The following TRPC1 variants were observed in gnomAD, a reference collection of about 807,000 sequenced individuals.
The protein encoded by TRPC1 is transient receptor potential cation channel subfamily C member 1, also known as short transient receptor potential channel 1.
TRPC1 carries 42 observed loss-of-function variants against 88.2 expected under a neutral mutation model. The observed-to-expected ratio is 0.48, with a 90% CI of 0.37 to 0.62. The LOEUF (loss-of-function observed/expected upper bound fraction) is 0.62. Ranked by LOEUF, TRPC1 falls within the 20% of genes least tolerant of loss-of-function variation. The pLI is 0.00. For synonymous variants in TRPC1, 288 were observed against 331.8 expected (o/e 0.87, Z 1.43); for missense variants, 699 against 957.3 (o/e 0.73, Z 3.56).
chr3:142,743,467 CTT>C lies in TRPC1; in HGVS notation c.328-6_328-5del, dbSNP rs548918869. ...TTTTATCTTCCATTTTCATTTTTAACTTTTTTTTTTTTTGAAGTCTGCAGATG... is the reference window on the plus strand; with the variant it reads ...TTTTATCTTCCATTTTCATTTTTAACTTTTTTTTTTTGAAGTCTGCAGATG... On this transcript the variant is annotated splice_polypyrimidine_tract_variant and intron_variant, in intron 2 of 12. Transcript: ENST00000476941. 3,383 of 1,119,114 alleles carry C rather than the reference CTT, an allele frequency of 3.0e-3. No homozygotes were observed. The highest frequency in any genetic ancestry group is 5.4e-3 in the South Asian group (321 of 59,702). 69.3% of individuals were successfully genotyped at this position (1,119,114 alleles called of 1,614,324 possible). A position where few individuals can be genotyped will look rare whatever the true frequency, so the allele number is the denominator to read the frequency against.
At chr3:142,753,180 G>T (rs1479278846) in intron 4 of TRPC1, among the ~76,000 whole-genome samples, 1 of 152,184 alleles carries the variant, frequency 6.6e-6, no homozygotes, top group African/African-American at 2.4e-5. Context: ...ACCTGGCTTG[G>T]TTTGAGGTTG....
intron 4 of TRPC1, among the ~76,000 whole-genome samples, chr3:142,754,834 A>C (rs1033996780): frequency 1.3e-5 from 2 of 152,182 alleles, no homozygotes; most frequent in Non-Finnish European, 2.9e-5. Flanking sequence ...ATGAATATAC[A>C]AGAGTGACAC....
intron 7 of TRPC1, among the ~76,000 whole-genome samples, chr3:142,789,640 C>CT (rs1050640702): frequency 1.3e-5 from 2 of 152,030 alleles, no homozygotes; most frequent in Non-Finnish European, 2.9e-5. Context: ...GCACTCTATT[C>CT]TTTTGTTACT....
intron 3 of TRPC1, among the ~76,000 whole-genome samples, chr3:142,747,346 A>G (rs115857470): frequency 0.018 from 2,684 of 152,326 alleles, 80 homozygotes; most frequent in African/African-American, 0.062. Flanking sequence ...ATATTGCAAA[A>G]AAAAAGTAAG....
chr3:142,777,776 G>A lies in TRPC1; in HGVS notation c.764+13G>A, dbSNP rs760699064. On this transcript the variant is annotated intron_variant, in intron 5 of 12. Coordinates refer to ENST00000476941, the MANE Select transcript of TRPC1 (RefSeq NM_001251845.2). Reference sequence around the variant, plus strand: ...AGGTGGAATTCAGGTGGGAATGAATGCAAATTATATAATGTATTTTGTTTT... The same window carrying A: ...AGGTGGAATTCAGGTGGGAATGAATACAAATTATATAATGTATTTTGTTTT... The A allele has an allele frequency of 1.5e-5, 24 of 1,602,036 alleles. No individual in the cohort carries two copies. The highest frequency in any genetic ancestry group is 2.7e-5 in the African/African-American group (2 of 74,590).
At chr3:142,777,902 G>C in intron 5 of TRPC1, 139 bp downstream of exon 5, 3 of 882,272 alleles carry the variant, frequency 3.4e-6, no homozygotes, top group Non-Finnish European at 4.9e-6. Flanking sequence ...CTTGGCAACA[G>C]ACCCCTGCTC....
chr3:142,788,549 G>A (rs1250169778), intron 7 of TRPC1, among the ~76,000 whole-genome samples: 1 of 151,984 alleles, frequency 6.6e-6, no homozygotes, highest in East Asian at 1.9e-4. Context: ...ATCCCTTTTA[G>A]GGATGTCAAG....
At chr3:142,731,672 C>T (rs1933921778) in intron 1 of TRPC1, among the ~76,000 whole-genome samples, 1 of 152,010 alleles carries the variant, frequency 6.6e-6, no homozygotes, top group South Asian at 2.1e-4. Context: ...GCATGAGCCA[C>T]CGCGCCCGGC....
At chr3:142,749,547 C>A (rs775069590) in intron 4 of TRPC1, among the ~76,000 whole-genome samples, 1 of 152,032 alleles carries the variant, frequency 6.6e-6, no homozygotes, top group Non-Finnish European at 1.5e-5. Flanking sequence ...ATTGATCATC[C>A]TAGGCTTAAA....
At chr3:142,755,184 A>T (rs1463162670) in intron 4 of TRPC1, among the ~76,000 whole-genome samples, 2 of 152,084 alleles carry the variant, frequency 1.3e-5, no homozygotes, top group Non-Finnish European at 2.9e-5. Context: ...GCACTTTGGG[A>T]GGCTGAGGCA....
At chr3:142,740,945 T>C (rs1934321541) in intron 2 of TRPC1, among the ~76,000 whole-genome samples, 1 of 152,096 alleles carries the variant, frequency 6.6e-6, no homozygotes, top group Admixed American at 6.6e-5. Flanking sequence ...TTCTAAAGAT[T>C]GGAGAGCATC....
At chr3:142,756,484 C>T (rs187157034) in intron 4 of TRPC1, among the ~76,000 whole-genome samples, 1 of 151,972 alleles carries the variant, frequency 6.6e-6, no homozygotes, top group African/African-American at 2.4e-5. Flanking sequence ...CTCAGCCTCC[C>T]GAGTAGCTGG....
chr3:142,784,403 C>T (rs892837267), intron 6 of TRPC1, among the ~76,000 whole-genome samples: 2 of 137,158 alleles, frequency 1.5e-5, no homozygotes, highest in Non-Finnish European at 2.9e-5. Flanking sequence ...TTAGTAGATA[C>T]TATTATTATT....
At chr3:142,805,211 T>TTTTTAC (rs1224644728) in intron 12 of TRPC1, among the ~76,000 whole-genome samples, 1 of 151,816 alleles carries the variant, frequency 6.6e-6, no homozygotes, top group Non-Finnish European at 1.5e-5. Flanking sequence ...AGATTTTTTT[T>TTTTTAC]TTTACTTTTC....
In TRPC1 at chr3:142,780,892, C is replaced by G. The variant is rs1935937733; in HGVS notation, c.823C>G (p.Gln275Glu). The G allele has an allele frequency of 1.2e-6, 2 of 1,613,486 alleles. No individual in the cohort carries two copies. The change falls in exon 6 of 13, where the codon CAA (glutamine) becomes GAA (glutamate). Residue 275 changes from glutamine (Q) to glutamate (E), a missense_variant. Gln to Glu is a conservative substitution (Grantham distance 29). Around this residue, in one of 4 missense-constraint regions of TRPC1, gnomAD observed 426 missense variants for 641.3 expected, o/e 0.66. Transcript: ENST00000476941. ...CKMFAKDLLA[Q>E]ARNSRELEVI... ...AATGTTTGCTAAGGATTTACTTGCA[C>G]AAGCCCGGAATTCTCGTGAATTGGA...
At chr3:142,791,262 T>TAA in intron 8 of TRPC1, 104 bp downstream of exon 8, 1 of 1,023,142 alleles carries the variant, frequency 9.8e-7, no homozygotes, top group Non-Finnish European at 1.4e-6. Context: ...CAGATCAGTG[T>TAA]CTGGTGTGTT....
Position 142,776,113 on chromosome 3 carries a change from A to G in TRPC1, c.633-1519A>G, listed in dbSNP as rs904677767. 8.5e-5 allele frequency among the ~76,000 whole-genome samples: 13 copies of G among 152,214 alleles called. No homozygotes were observed. The highest frequency in any genetic ancestry group is 2.9e-4 in the African/African-American group (12 of 41,462). ...CCAGTTGTATGAGATGAATCTGTAT[A>G]TGGTAACACAGAAAGAGATTCATGA... On this transcript the variant is annotated intron_variant, in intron 4 of 12. Transcript: ENST00000476941. The surrounding 1 kb of genome is among the most constrained non-coding windows in gnomAD (Gnocchi z 4.1).
At chr3:142,759,938 T>C (rs1443602227) in intron 4 of TRPC1, among the ~76,000 whole-genome samples, 1 of 152,164 alleles carries the variant, frequency 6.6e-6, no homozygotes, top group Admixed American at 6.5e-5. Flanking sequence ...CACTGCAAGC[T>C]CCGCCTCCTG....
chr3:142,785,501 G>A (rs1936103795), intron 7 of TRPC1, among the ~76,000 whole-genome samples: 2 of 151,816 alleles, frequency 1.3e-5, no homozygotes, highest in Admixed American at 1.3e-4. Context: ...TTTTTGTTTT[G>A]TTTTGTTTTG....
Sources: allele counts gnomAD v4.1 joint callset (sites outside exome capture counted in the v4.1 genomes callset), GRCh38; gene constraint gnomAD v4.1.1; regional missense constraint gnomAD v4.1.1; non-coding constraint Gnocchi (gnomAD v3.1); transcripts MANE v1.5; gene names NCBI Gene and HGNC (gene_info 2026-07-23, HGNC 2026-07-21).